Variants in RAB11FIP4 observed in about 807,000 individuals in gnomAD.
RAB11FIP4 encodes rab11 family-interacting protein 4.
A neutral mutation model predicts 74.3 loss-of-function variants in RAB11FIP4; 23 were observed. That is an observed-to-expected ratio of 0.31 (90% CI 0.22 to 0.44). The LOEUF is 0.44. Among genes scored for constraint, RAB11FIP4 ranks in the 20% least tolerant of loss-of-function variants. The pLI, the probability that RAB11FIP4 is intolerant of heterozygous loss-of-function variation, is 1.00. For missense variants in RAB11FIP4, 630 were observed against 863.9 expected (o/e 0.73, Z 3.39); for synonymous variants, 360 against 359.9 (o/e 1.00, Z 0.00).
At chr17:31,467,195 C>G (rs1768197261) in intron 3 of RAB11FIP4, among the ~76,000 whole-genome samples, 1 of 152,144 alleles carries the variant, frequency 6.6e-6, no homozygotes, top group South Asian at 2.1e-4. Flanking sequence ...TCACTGCAAC[C>G]TCCACTTCCC....
intron 3 of RAB11FIP4, among the ~76,000 whole-genome samples, chr17:31,517,206 T>TGGGGGGGGGGGGGGGGGGGG (rs199757879): frequency 4.9e-5 from 1 of 20,250 alleles, no homozygotes. Flanking sequence ...GGGGGGGCGG[T>TGGGGGGGGGGGGGGGGGGGG]GGGGGGGGCG....
intron 3 of RAB11FIP4, among the ~76,000 whole-genome samples, chr17:31,510,377 C>G (rs548440259): frequency 6.1e-4 from 93 of 152,370 alleles, no homozygotes; most frequent in African/African-American, 2.2e-3. Context: ...ACATGCACAC[C>G]TTCCCAGCGG....
chr17:31,398,647 C>T (rs866524817), intron 1 of RAB11FIP4, among the ~76,000 whole-genome samples: 5 of 152,258 alleles, frequency 3.3e-5, no homozygotes, highest in African/African-American at 9.6e-5. Flanking sequence ...TGAAGTGTGA[C>T]GTTCCCCCTT....
chr17:31,429,660 C>T (rs949069922), intron 1 of RAB11FIP4, among the ~76,000 whole-genome samples: 5 of 152,152 alleles, frequency 3.3e-5, no homozygotes, highest in African/African-American at 9.7e-5. Context: ...AACAGCCTCT[C>T]TACTAAAAAT....
At chr17:31,530,178 AC>A in intron 13 of RAB11FIP4, 147 bp from the exon 14 acceptor site, 1 of 1,045,392 alleles carries the variant, frequency 9.6e-7, no homozygotes, top group Non-Finnish European at 1.4e-6. Context: ...AAAGGCTGCA[AC>A]ATCTATGGCC....
At chr17:31,481,478 G>C (rs970552827) in intron 3 of RAB11FIP4, among the ~76,000 whole-genome samples, 1 of 152,168 alleles carries the variant, frequency 6.6e-6, no homozygotes, top group Non-Finnish European at 1.5e-5. Context: ...GTAGTGGCAC[G>C]CAGGGTGGGA....
chr17:31,481,014 A>G (rs1447799467), intron 3 of RAB11FIP4, among the ~76,000 whole-genome samples: 1 of 152,132 alleles, frequency 6.6e-6, no homozygotes, highest in Non-Finnish European at 1.5e-5. Flanking sequence ...CCTAGAACAG[A>G]GCCTGGCACT....
intron 3 of RAB11FIP4, among the ~76,000 whole-genome samples, chr17:31,455,699 C>T (rs1232803566): frequency 6.6e-6 from 1 of 152,164 alleles, no homozygotes; most frequent in Non-Finnish European, 1.5e-5. Flanking sequence ...TTCAAAACAA[C>T]TGCCTTATCG....
chr17:31,435,097 G>A (rs1469824369), intron 3 of RAB11FIP4, among the ~76,000 whole-genome samples: 1 of 152,162 alleles, frequency 6.6e-6, no homozygotes, highest in African/African-American at 2.4e-5. Context: ...GAGGTGGGAG[G>A]AGCACTTGAG....
At chr17:31,503,736 CCTTGA>C (rs1243078051) in intron 3 of RAB11FIP4, among the ~76,000 whole-genome samples, 1 of 149,790 alleles carries the variant, frequency 6.7e-6, no homozygotes. Context: ...CTCATTTCAT[CCTTGA>C]AGCTCATGTT....
intron 3 of RAB11FIP4, among the ~76,000 whole-genome samples, chr17:31,462,879 G>A (rs995181598): frequency 6.6e-5 from 10 of 151,984 alleles, no homozygotes; most frequent in African/African-American, 1.9e-4. Context: ...CAAATGATCC[G>A]CCCGCCTCGG....
intron 3 of RAB11FIP4, among the ~76,000 whole-genome samples, chr17:31,467,038 A>C (rs2071692141): frequency 6.6e-6 from 1 of 152,206 alleles, no homozygotes; most frequent in Non-Finnish European, 1.5e-5. Flanking sequence ...CTGGAGAAGA[A>C]AATGGAGTTA....
chr17:31,440,797 A>G (rs1230253315), intron 3 of RAB11FIP4, among the ~76,000 whole-genome samples: 1 of 152,204 alleles, frequency 6.6e-6, no homozygotes, highest in Non-Finnish European at 1.5e-5. Flanking sequence ...AAATAAAAAA[A>G]ACTGTTTTTT....
intron 1 of RAB11FIP4, among the ~76,000 whole-genome samples, chr17:31,410,439 T>A (rs533570859): frequency 3.7e-4 from 57 of 152,256 alleles, no homozygotes; most frequent in Admixed American, 4.6e-4. Context: ...TTGGGCTGGG[T>A]GTGGTGGCTC....
At chr17:31,490,774 C>G (rs1200882763) in intron 3 of RAB11FIP4, among the ~76,000 whole-genome samples, 3 of 152,204 alleles carry the variant, frequency 2.0e-5, no homozygotes, top group Non-Finnish European at 4.4e-5. Context: ...CCAGGCTGGT[C>G]TTAAACTCCT....
rs1218829270 is a variant in RAB11FIP4 at position 31,407,183 on chromosome 17, T to A, written c.159+15172T>A. ...CCTCAGCCTCTTGAATAGCTGGGAC[T>A]AACAGGTGTGTGCCACCACGTCCTG... On this transcript the variant is annotated intron_variant, in intron 1 of 14. Coordinates refer to ENST00000621161, the MANE Select transcript of RAB11FIP4 (RefSeq NM_032932.6). 2.0e-5 allele frequency among the ~76,000 whole-genome samples: 3 copies of A among 151,122 alleles called. No individual in the cohort carries two copies. The East Asian group carries it at 5.9e-4, about 30-fold the overall frequency.
intron 7 of RAB11FIP4, chr17:31,523,250 G>A: frequency 3.8e-6 from 2 of 526,576 alleles, no homozygotes; most frequent in Non-Finnish European, 3.5e-6. Flanking sequence ...GCGTGAAGAG[G>A]GTTCTGAGGC....
rs939752771 is a variant in RAB11FIP4, at chr17:31,535,994, A to C, written c.*4262A>C. On this transcript the variant is annotated 3_prime_UTR_variant, in exon 15 of 15. Transcript: ENST00000621161. ...AACCAGCATCCTACTCACACACCGGACACTCCAGGTGCTAGTCCACTGGTG... is the reference window on the plus strand; with the variant it reads ...AACCAGCATCCTACTCACACACCGGCCACTCCAGGTGCTAGTCCACTGGTG... 9 of 131,336 alleles carry C rather than the reference A, an allele frequency of 6.9e-5. No individual in the cohort carries two copies. Among genetic ancestry groups the C allele is most frequent in the Non-Finnish European group, 1.1e-4 (7 of 63,742 alleles). The allele number at this position is 131,336 out of a possible 1,614,324, so 8.1% of individuals were successfully genotyped here.
chr17:31,525,051 G>T (rs1260195108), intron 9 of RAB11FIP4, 39 bp from the exon 10 acceptor site: 1 of 1,549,444 alleles, frequency 6.5e-7, no homozygotes, highest in African/African-American at 1.4e-5. Flanking sequence ...GGGTGAAATG[G>T]TGCAGGCCCC....
Sources: allele counts gnomAD v4.1 joint callset (sites outside exome capture counted in the v4.1 genomes callset), GRCh38; gene constraint gnomAD v4.1.1; transcripts MANE v1.5; gene names NCBI Gene and HGNC (gene_info 2026-07-23, HGNC 2026-07-21).